Variants in DAB2IP observed in about 807,000 individuals in gnomAD.
DAB2IP encodes disabled homolog 2-interacting protein.
A neutral mutation model predicts 107.2 loss-of-function variants in DAB2IP; 28 were observed. The ratio of observed to expected loss-of-function variants is 0.26; its 90% CI spans 0.19 to 0.36. The LOEUF is 0.36. DAB2IP is among the 10% of genes least tolerant of loss of function. The pLI is 1.00. For missense variants in DAB2IP, 1,400 were observed against 1,644.7 expected, an observed-to-expected ratio of 0.85 and a Z score of 2.57; for synonymous variants, 755 against 706.4, an observed-to-expected ratio of 1.07 and a Z score of -1.09.
chr9:121,700,468 G>C (rs1829713093), intron 3 of DAB2IP, among the ~76,000 whole-genome samples: 1 of 152,166 alleles, frequency 6.6e-6, no homozygotes, highest in Admixed American at 6.5e-5. Context: ...GTGAAAGTAC[G>C]GGCAGGCACC....
At chr9:121,646,006 G>T (rs1270611146) in intron 1 of DAB2IP, among the ~76,000 whole-genome samples, 2 of 152,054 alleles carry the variant, frequency 1.3e-5, no homozygotes, top group African/African-American at 4.8e-5. Context: ...TAGAGTTCCG[G>T]CCTGTCCCGA....
At chr9:121,677,704 C>A (rs1449094091) in intron 1 of DAB2IP, among the ~76,000 whole-genome samples, 1 of 152,072 alleles carries the variant, frequency 6.6e-6, no homozygotes, top group Non-Finnish European at 1.5e-5. Context: ...CTCTGCTGCC[C>A]AGGCTGGAGT....
At chr9:121,613,078 A>G (rs939245553) in intron 1 of DAB2IP, among the ~76,000 whole-genome samples, 2 of 152,236 alleles carry the variant, frequency 1.3e-5, no homozygotes, top group Non-Finnish European at 2.9e-5. Context: ...TGGAAGGAGA[A>G]GATGCAGGTT....
intron 1 of DAB2IP, among the ~76,000 whole-genome samples, chr9:121,568,941 G>A (rs891989527): frequency 5.9e-5 from 9 of 152,204 alleles, no homozygotes; most frequent in East Asian, 1.9e-4. Context: ...GGCCTGTCAC[G>A]AGGCCGGTTG....
rs1369345222 is a variant in DAB2IP, at chr9:121,642,027, C to T, written c.41-36651C>T. On this transcript the variant is annotated intron_variant, in intron 1 of 16. Transcript: ENST00000259371. ...TCTCTCTCTCTCTCTCTCTCTCTCT[C>T]TCTCTTTCTTTCTTTCTTTCTTTCT... Among the ~76,000 whole-genome samples the T allele has an allele frequency of 1.3e-4, 5 of 39,518 alleles. 1 individual carries two copies. The highest frequency in any genetic ancestry group is 5.3e-4 in the African/African-American group (5 of 9,358). The allele number at this position is 39,518 out of a possible 152,430, so 25.9% of individuals were successfully genotyped here. A position where few individuals can be genotyped will look rare whatever the true frequency, so the allele number is the denominator to read the frequency against.
At chr9:121,593,561 T>G (rs1281108119) in intron 1 of DAB2IP, among the ~76,000 whole-genome samples, 1 of 151,182 alleles carries the variant, frequency 6.6e-6, no homozygotes, top group Non-Finnish European at 1.5e-5. Flanking sequence ...CATGAGCCAC[T>G]GTGCTCAGCC....
intron 2 of DAB2IP, among the ~76,000 whole-genome samples, chr9:121,681,099 A>G (rs1486542043): frequency 6.6e-6 from 1 of 152,090 alleles, no homozygotes; most frequent in Non-Finnish European, 1.5e-5. Flanking sequence ...TGGTTACCCC[A>G]TTTCCCAGGT....
intron 1 of DAB2IP, 83 bp from the exon 2 acceptor site, chr9:121,678,595 G>C (rs926574380): frequency 8.4e-7 from 1 of 1,194,434 alleles, no homozygotes; most frequent in Non-Finnish European, 1.1e-6. Context: ...CTGTTGTCCT[G>C]ACTGGGATGG....
intron 11 of DAB2IP, among the ~76,000 whole-genome samples, chr9:121,771,225 C>T (rs1834704805): frequency 6.6e-6 from 1 of 152,154 alleles, no homozygotes; most frequent in Non-Finnish European, 1.5e-5. Context: ...GAGACCCAGT[C>T]CTGGGGTCTG....
intron 6 of DAB2IP, 118 bp from the exon 7 acceptor site, chr9:121,763,387 C>A: frequency 7.2e-7 from 1 of 1,398,284 alleles, no homozygotes; most frequent in Non-Finnish European, 9.6e-7. Context: ...GGGACCCCCG[C>A]AGCTTGGTGA....
At chr9:121,680,884 A>C (rs1828560475) in intron 2 of DAB2IP, among the ~76,000 whole-genome samples, 1 of 151,902 alleles carries the variant, frequency 6.6e-6, no homozygotes, top group Admixed American at 6.6e-5. Flanking sequence ...CTGGGATTAC[A>C]GGAGCCTGCC....
chr9:121,567,088 A>T (rs1032061041), exon 1 of DAB2IP: 36 of 1,517,958 alleles, frequency 2.4e-5, no homozygotes, highest in Non-Finnish European at 3.1e-5. Flanking sequence ...ATCTAGTTGG[A>T]AAAGCCGCCA....
At chr9:121,758,954 T>C (rs374038020) in exon 5 of DAB2IP, 5 of 1,613,556 alleles carry the variant, frequency 3.1e-6, no homozygotes, top group African/African-American at 2.7e-5. Flanking sequence ...CTGAGCGGGA[T>C]AAGTGGATGG....
At chr9:121,719,783 G>T (rs528942354) in intron 3 of DAB2IP, among the ~76,000 whole-genome samples, 1 of 152,202 alleles carries the variant, frequency 6.6e-6, no homozygotes, top group African/African-American at 2.4e-5. Context: ...CTTGACCAAG[G>T]TCTCATGGGC....
chr9:121,760,238 C>T lies in DAB2IP; in HGVS notation c.969C>T (p.Gly323=). The T allele has an allele frequency of 1.9e-6, 3 of 1,613,828 alleles. No individual in the cohort carries two copies. The highest frequency in any genetic ancestry group is 1.7e-6 in the Non-Finnish European group (2 of 1,180,038). Residue 323 remains glycine, a synonymous_variant, in exon 6 of 16, where the codon GGC becomes GGT. Coordinates refer to ENST00000408936, the Ensembl canonical transcript of DAB2IP. This position sits in a 1 kb window ranked among gnomAD's most constrained non-coding sequence, Gnocchi z 5.9. Reference sequence around the variant, plus strand: ...CGCCCAACCCCAAGGGCGGCAAGGGCCCTGGACCCATGATCCGCATCAAGG... The same window carrying T: ...CGCCCAACCCCAAGGGCGGCAAGGGTCCTGGACCCATGATCCGCATCAAGG...
At chr9:121,695,945 T>G (rs866420259) in intron 2 of DAB2IP, among the ~76,000 whole-genome samples, 2 of 152,172 alleles carry the variant, frequency 1.3e-5, no homozygotes, top group African/African-American at 4.8e-5. Context: ...CTTGGCTCAC[T>G]GCAGCCTCCA....
intron 3 of DAB2IP, among the ~76,000 whole-genome samples, chr9:121,742,348 GA>G (rs1168969078): frequency 6.6e-6 from 1 of 152,242 alleles, no homozygotes; most frequent in Non-Finnish European, 1.5e-5. Context: ...ACAATCACTT[GA>G]ACCCGGGAGG....
chr9:121,646,831 A>G (rs983105984), upstream of DAB2IP, among the ~76,000 whole-genome samples: 4 of 151,970 alleles, frequency 2.6e-5, no homozygotes, highest in Non-Finnish European at 4.4e-5. Flanking sequence ...CAACCTTATG[A>G]TCGTTGCTCC....
chr9:121,656,582 C>T (rs1832981669), intron 1 of DAB2IP, among the ~76,000 whole-genome samples: 1 of 152,202 alleles, frequency 6.6e-6, no homozygotes, highest in African/African-American at 2.4e-5. Context: ...TCCAGTCCCT[C>T]CTCTCCCTTA....
Sources: allele counts gnomAD v4.1 joint callset (sites outside exome capture counted in the v4.1 genomes callset), GRCh38; gene constraint gnomAD v4.1.1; non-coding constraint Gnocchi (gnomAD v3.1); transcripts MANE v1.5; gene names NCBI Gene and HGNC (gene_info 2026-07-23, HGNC 2026-07-21).